Variants in NRXN3 observed in about 807,000 individuals in gnomAD.
The protein encoded by NRXN3 is neurexin 3, also known as neurexin III.
Under a neutral mutation model 137.6 loss-of-function variants are expected in NRXN3, and 32 were observed. The ratio of observed to expected loss-of-function variants is 0.23; its 90% confidence interval spans 0.18 to 0.31. The LOEUF (loss-of-function observed/expected upper bound fraction) is 0.31, where lower values mean the gene tolerates loss of function less well. NRXN3 is among the 10% of genes least tolerant of loss of function. NRXN3 has a pLI of 1.00. For missense variants in NRXN3, 1,574 were observed against 2,062.5 expected, an observed-to-expected ratio of 0.76 and a Z score of 4.59; for synonymous variants, 798 against 784.5, an observed-to-expected ratio of 1.02 and a Z score of -0.29.
intron 15 of NRXN3, among the ~76,000 whole-genome samples, chr14:79,228,390 CTGTT>C (rs2071469025): frequency 6.6e-6 from 1 of 152,104 alleles, no homozygotes; most frequent in African/African-American, 2.4e-5. Context: ...TTGAGGAACT[CTGTT>C]AAATTTTTTA....
chr14:79,649,578 G>A (rs890906107), intron 16 of NRXN3, among the ~76,000 whole-genome samples: 35 of 152,108 alleles, frequency 2.3e-4, no homozygotes, highest in African/African-American at 8.5e-4. Flanking sequence ...TTACTTGTCT[G>A]TGTTTGTATA....
chr14:79,059,411 C>G (rs534009603), intron 15 of NRXN3, among the ~76,000 whole-genome samples: 1 of 151,966 alleles, frequency 6.6e-6, no homozygotes, highest in Admixed American at 6.6e-5. Flanking sequence ...GCGCCCGCCA[C>G]CACACCCAGC....
chr14:78,615,166 T>A, intron 4 of NRXN3: 1 of 448,032 alleles, frequency 2.2e-6, no homozygotes, highest in Admixed American at 2.4e-5. Context: ...CTTACATGTA[T>A]ACCATTGAAC....
chr14:79,670,085 G>A (rs180902336), intron 17 of NRXN3, among the ~76,000 whole-genome samples: 3 of 152,054 alleles, frequency 2.0e-5, no homozygotes, highest in East Asian at 3.9e-4. Flanking sequence ...TATGTCCTAG[G>A]CACTGAAGGC....
chr14:79,095,353 G>T (rs764108623), intron 15 of NRXN3, among the ~76,000 whole-genome samples: 14 of 152,102 alleles, frequency 9.2e-5, no homozygotes, highest in African/African-American at 3.4e-4. Flanking sequence ...TTAGACCTAA[G>T]TTAGCTATGC....
At chr14:79,843,216 A>G (rs1489550389) in intron 20 of NRXN3, among the ~76,000 whole-genome samples, 1 of 152,252 alleles carries the variant, frequency 6.6e-6, no homozygotes, top group Non-Finnish European at 1.5e-5. Flanking sequence ...CAACAAAGCA[A>G]GTCACATGAA....
chr14:79,381,294 A>G (rs1263063215), intron 15 of NRXN3, among the ~76,000 whole-genome samples: 17 of 151,614 alleles, frequency 1.1e-4, no homozygotes, highest in Admixed American at 1.1e-3. Context: ...GGAGAGGTAT[A>G]TAGTGTTTCT....
chr14:78,484,605 G>C (rs1376511331), intron 4 of NRXN3, among the ~76,000 whole-genome samples: 1 of 152,154 alleles, frequency 6.6e-6, no homozygotes, highest in Non-Finnish European at 1.5e-5. Flanking sequence ...ATATGAGGGA[G>C]TGGTACTGGA....
intron 15 of NRXN3, among the ~76,000 whole-genome samples, chr14:79,176,980 C>T (rs2062410162): frequency 6.6e-6 from 1 of 152,156 alleles, no homozygotes; most frequent in Non-Finnish European, 1.5e-5. Flanking sequence ...AATGATGAAC[C>T]ATTAAGTGAA....
chr14:79,070,210 G>A (rs1020819694), intron 15 of NRXN3, among the ~76,000 whole-genome samples: 1 of 152,092 alleles, frequency 6.6e-6, no homozygotes, highest in African/African-American at 2.4e-5. Context: ...TTTCCGTAAT[G>A]CCCTTGACAG....
At chr14:79,720,735 A>G (rs1041089669) in intron 19 of NRXN3, among the ~76,000 whole-genome samples, 2 of 152,260 alleles carry the variant, frequency 1.3e-5, no homozygotes, top group African/African-American at 2.4e-5. Context: ...TGCACTCTCA[A>G]TATTATCAGA....
intron 8 of NRXN3, among the ~76,000 whole-genome samples, chr14:78,739,236 G>A (rs1219450157): frequency 6.6e-6 from 1 of 152,206 alleles, no homozygotes; most frequent in East Asian, 1.9e-4. Context: ...AGTTCCAAGC[G>A]AGGCAGCCCA....
intron 4 of NRXN3, among the ~76,000 whole-genome samples, chr14:78,438,660 G>C (rs780174429): frequency 2.0e-5 from 3 of 152,168 alleles, no homozygotes; most frequent in Non-Finnish European, 4.4e-5. Context: ...CCTATTGAGA[G>C]CACTCGGGTG....
intron 1 of NRXN3, among the ~76,000 whole-genome samples, chr14:78,189,875 T>C (rs1201220123): frequency 1.3e-5 from 2 of 152,204 alleles, no homozygotes; most frequent in Non-Finnish European, 2.9e-5. Context: ...ATGAGCCTCA[T>C]TGTGGAAGTC....
rs1279815734 is a variant in NRXN3 at position 78,787,132 on chromosome 14, T to G, written c.2045-16488T>G. Among the ~76,000 whole-genome samples the G allele has an allele frequency of 5.3e-5, 8 of 152,332 alleles. No homozygotes were observed. The South Asian group carries it at 1.7e-3, about 32-fold the overall frequency. ...TCCTATATCTTAGACAACATAATTT[T>G]GGTTCACGTTGTATTTGTGACCCAG... is the stretch of plus-strand genomic sequence containing the variant. On this transcript the variant is annotated intron_variant, in intron 8 of 20. Transcript: ENST00000335750.
intron 10 of NRXN3, among the ~76,000 whole-genome samples, chr14:78,824,171 G>T (rs75730125): frequency 0.023 from 3,223 of 137,554 alleles, 110 homozygotes; most frequent in South Asian, 0.14. Flanking sequence ...CCTGGTTAAA[G>T]GTGAATAAGG....
chr14:79,035,236 A>G (rs2099614138), intron 15 of NRXN3, among the ~76,000 whole-genome samples: 1 of 152,138 alleles, frequency 6.6e-6, no homozygotes, highest in Admixed American at 6.6e-5. Context: ...AATAGGTAAA[A>G]TCAAAGTTTT....
intron 15 of NRXN3, among the ~76,000 whole-genome samples, chr14:79,432,097 C>A (rs2095766309): frequency 7.4e-6 from 1 of 134,932 alleles, no homozygotes; most frequent in Non-Finnish European, 1.6e-5. Context: ...AAATGGGGCC[C>A]CTCAGTGTAA....
At chr14:79,416,875 G>T (rs2095504377) in intron 15 of NRXN3, among the ~76,000 whole-genome samples, 2 of 152,098 alleles carry the variant, frequency 1.3e-5, no homozygotes, top group African/African-American at 4.8e-5. Flanking sequence ...CAGTTGAAAG[G>T]TCATCAACCA....
Sources: allele counts gnomAD v4.1 joint callset (sites outside exome capture counted in the v4.1 genomes callset), GRCh38; gene constraint gnomAD v4.1.1; transcripts MANE v1.5; gene names NCBI Gene and HGNC (gene_info 2026-07-23, HGNC 2026-07-21).